The following SHISA5 variants were observed in gnomAD, a reference collection of about 807,000 sequenced individuals.
SHISA5 encodes shisa family member 5, also known as protein shisa-5.
SHISA5 carries 21 observed loss-of-function variants against 27.5 expected under a neutral mutation model. The ratio of observed to expected loss-of-function variants is 0.76; its 90% CI spans 0.54 to 1.10. The LOEUF is 1.10. Among genes scored for constraint, SHISA5 ranks in the 50% least tolerant of loss-of-function variants. The probability of loss-of-function intolerance (pLI) is 0.00; values close to 1 mark genes in which losing one functional copy is unlikely to be tolerated. For missense variants in SHISA5, 314 were observed against 336.3 expected, an observed-to-expected ratio of 0.93 and a Z score of 0.52; for synonymous variants, 137 against 142.2, an observed-to-expected ratio of 0.96 and a Z score of 0.26.
rs779408095 is a variant in SHISA5, at chr3:48,504,008, C to T, written c.76+11G>A. 1 of 1,465,194 alleles carries T rather than the reference C, an allele frequency of 6.8e-7. No individual in the cohort carries two copies. The highest frequency in any genetic ancestry group is 1.5e-5 in the African/African-American group (1 of 68,322). 90.8% of individuals were successfully genotyped at this position (1,465,194 alleles called of 1,614,324 possible). On this transcript the variant is annotated intron_variant, in intron 1 of 5. Coordinates refer to ENST00000296444, the MANE Select transcript of SHISA5 (RefSeq NM_016479.6). The surrounding 1 kb of genome is among the most constrained non-coding windows in gnomAD (Gnocchi z 4.0). ...CCAGGGCAGGACGGGCCGCCCCCAC[C>T]CCCGGCTCACCACCCGGAGGCGGCG...
intron 2 of SHISA5, among the ~76,000 whole-genome samples, chr3:48,484,254 T>C (rs2107337150): frequency 6.6e-6 from 1 of 152,332 alleles, no homozygotes; most frequent in Non-Finnish European, 1.5e-5. Flanking sequence ...AATTATACCC[T>C]AATACACTTG....
rs58568695 is a variant in SHISA5 at position 48,489,621 on chromosome 3, C to CTTTTT, written c.234-10369_234-10365dup. On this transcript the variant is annotated intron_variant, in intron 2 of 5. Transcript: ENST00000296444. ...ACAGGCTTGAGCCACTGCGCCTGGC[C>CTTTTT]TTTTTTTTTTTTTTTTTTTTTTTTG... Among the ~76,000 whole-genome samples, 189 of 80,876 alleles carry CTTTTT rather than the reference C, an allele frequency of 2.3e-3. 15 individuals are homozygous for CTTTTT. Among genetic ancestry groups the CTTTTT allele is most frequent in the African/African-American group, 7.1e-3 (121 of 17,064 alleles). The allele number at this position is 80,876 out of a possible 152,430, so 53.1% of individuals were successfully genotyped here.
chr3:48,468,410 G>A lies in SHISA5; in HGVS notation c.*697C>T. On this transcript the variant is annotated 3_prime_UTR_variant, in exon 6 of 6. Transcript: ENST00000296444. ...GCATGTGGCCCTCCAGCTGGTCCCA[G>A]GGGAGATGCGGGGACAGGGGACAGT... is the stretch of plus-strand genomic sequence containing the variant. 2 of 1,114,882 alleles carry A rather than the reference G, an allele frequency of 1.8e-6. No individual in the cohort carries two copies. The highest frequency in any genetic ancestry group is 4.4e-5 in the South Asian group (2 of 45,004). The allele number at this position is 1,114,882 out of a possible 1,614,324, so 69.1% of individuals were successfully genotyped here.
At chr3:48,503,620 C>T (rs2041818040) in intron 1 of SHISA5, 1 of 820,538 alleles carries the variant, frequency 1.2e-6, no homozygotes, top group Non-Finnish European at 1.5e-6. Flanking sequence ...GCGGTGGGGG[C>T]TCCCAGACAT....
Position 48,468,922 on chromosome 3 carries a change from G to A in SHISA5, c.*185C>T. On this transcript the variant is annotated 3_prime_UTR_variant, in exon 6 of 6. Transcript: ENST00000296444. ...GTCCCAGCCCACTCTGGCAAGGATT[G>A]TTCCCCACCTTGTCAGCATCAGAGG... is the stretch of plus-strand genomic sequence containing the variant. The A allele has an allele frequency of 6.5e-7, 1 of 1,546,114 alleles. No individual in the cohort carries two copies. Among genetic ancestry groups the A allele is most frequent in the Non-Finnish European group, 8.7e-7 (1 of 1,152,538 alleles).
At chr3:48,502,695 T>C (rs752174553) in intron 1 of SHISA5, among the ~76,000 whole-genome samples, 1 of 152,226 alleles carries the variant, frequency 6.6e-6, no homozygotes, top group Non-Finnish European at 1.5e-5. Flanking sequence ...AGTACCGGAT[T>C]CTGCCAGGGC....
intron 3 of SHISA5, among the ~76,000 whole-genome samples, chr3:48,472,700 C>A (rs1012350249): frequency 6.6e-6 from 1 of 152,106 alleles, no homozygotes; most frequent in Non-Finnish European, 1.5e-5. Flanking sequence ...CCTACCCCGC[C>A]CTGGGACTGC....
intron 3 of SHISA5, among the ~76,000 whole-genome samples, chr3:48,478,927 C>T (rs928649348): frequency 1.3e-5 from 2 of 152,080 alleles, no homozygotes; most frequent in African/African-American, 4.8e-5. Flanking sequence ...GGTCAATGTA[C>T]CCCGGACCCC....
intron 2 of SHISA5, among the ~76,000 whole-genome samples, chr3:48,491,079 C>T (rs1314953213): frequency 4.7e-5 from 7 of 150,068 alleles, no homozygotes; most frequent in Admixed American, 1.3e-4. Flanking sequence ...CCCAACCCCC[C>T]GCCCTTTGAG....
In SHISA5 at chr3:48,501,017, C is replaced by T. The variant is rs1560136067; in HGVS notation, c.233+120G>A. The T allele has an allele frequency of 5.1e-6, 6 of 1,181,496 alleles. No individual in the cohort carries two copies. The Admixed American group carries it at 7.4e-5, about 15-fold the overall frequency. The allele number at this position is 1,181,496 out of a possible 1,614,324, so 73.2% of individuals were successfully genotyped here. The stretch of plus-strand genomic sequence containing the variant: ...GATCCCTAAACCCTCTGCTCCAATG[C>T]TCTGGCCACCATCTTGAGAGGGCTG... On this transcript the variant is annotated intron_variant, in intron 2 of 5. Coordinates refer to ENST00000296444, the MANE Select transcript of SHISA5 (RefSeq NM_016479.6).
intron 2 of SHISA5, among the ~76,000 whole-genome samples, chr3:48,496,790 C>A (rs1282257881): frequency 3.5e-5 from 5 of 142,316 alleles, no homozygotes; most frequent in African/African-American, 1.0e-4. Context: ...TAAAAAAAAA[C>A]AAAGGAAAAA....
In SHISA5 at chr3:48,468,726, G is replaced by C. The variant is rs1444094065; in HGVS notation, c.*381C>G. ...AAAGCTGCGCCACCCTGGTGTGACA[G>C]GCCCTACTTGGTCACCCTAGGGTAA... is the stretch of plus-strand genomic sequence containing the variant. On this transcript the variant is annotated 3_prime_UTR_variant, in exon 6 of 6. Coordinates refer to ENST00000296444, the MANE Select transcript of SHISA5 (RefSeq NM_016479.6). 7.6e-7 allele frequency: 1 copy of C among 1,319,630 alleles called. No individual in the cohort carries two copies. Among genetic ancestry groups the C allele is most frequent in the African/African-American group, 1.5e-5 (1 of 67,088 alleles). 81.7% of individuals were successfully genotyped at this position (1,319,630 alleles called of 1,614,324 possible).
chr3:48,480,419 T>C (rs1164146476), intron 2 of SHISA5, among the ~76,000 whole-genome samples: 1 of 152,132 alleles, frequency 6.6e-6, no homozygotes, highest in Non-Finnish European at 1.5e-5. Context: ...CTAACAAGTA[T>C]GTAGAACTAA....
intron 2 of SHISA5, among the ~76,000 whole-genome samples, chr3:48,487,769 G>T (rs1395926037): frequency 6.6e-6 from 1 of 152,168 alleles, no homozygotes; most frequent in Non-Finnish European, 1.5e-5. Context: ...GGTGGCACAT[G>T]CCTGTAACCC....
In SHISA5 at chr3:48,490,324, C is replaced by T. The variant is rs543636900; in HGVS notation, c.233+10813G>A. Reference sequence around the variant, plus strand: ...CTGACCTCAGGTGATCCGCCCACCTCGGCTTCCCGAAGTGGTAGGATTACA... The same window carrying T: ...CTGACCTCAGGTGATCCGCCCACCTTGGCTTCCCGAAGTGGTAGGATTACA... On this transcript the variant is annotated intron_variant, in intron 2 of 5. Coordinates refer to ENST00000296444, the MANE Select transcript of SHISA5 (RefSeq NM_016479.6). 2.8e-3 allele frequency among the ~76,000 whole-genome samples: 420 copies of T among 152,370 alleles called. 2 individuals are homozygous for T. Among genetic ancestry groups the T allele is most frequent in the African/African-American group, 9.8e-3 (408 of 41,594 alleles).
Position 48,468,318 on chromosome 3 carries a change from C to T in SHISA5, c.*789G>A. On this transcript the variant is annotated 3_prime_UTR_variant, in exon 6 of 6. Transcript: ENST00000296444. ...AGTGTGCTGGTGGACAGGAGCCCTGCTCACCTGTGGGAAGGGCAGGGCCAG... is the reference window on the plus strand; with the variant it reads ...AGTGTGCTGGTGGACAGGAGCCCTGTTCACCTGTGGGAAGGGCAGGGCCAG... The T allele has an allele frequency of 9.7e-7, 1 of 1,035,000 alleles. No homozygotes were observed. The highest frequency in any genetic ancestry group is 1.2e-6 in the Non-Finnish European group (1 of 859,534). The allele number at this position is 1,035,000 out of a possible 1,614,324, so 64.1% of individuals were successfully genotyped here.
rs11914742 is a variant in SHISA5 at position 48,468,396 on chromosome 3, T to G, written c.*711A>C. The G allele has an allele frequency of 3.1e-3, 3,387 of 1,097,008 alleles. 73 individuals carry two copies. In the African/African-American group the frequency reaches 0.048, roughly 16 times the overall value. 68.0% of individuals were successfully genotyped at this position (1,097,008 alleles called of 1,614,324 possible). On this transcript the variant is annotated 3_prime_UTR_variant, in exon 6 of 6. Transcript: ENST00000296444. ...GCTAGGCTGTGTGTGCATGTGGCCC[T>G]CCAGCTGGTCCCAGGGGAGATGCGG...
chr3:48,501,733 C>T (rs2041759958), intron 1 of SHISA5, among the ~76,000 whole-genome samples: 3 of 152,192 alleles, frequency 2.0e-5, no homozygotes, highest in African/African-American at 7.2e-5. Flanking sequence ...GTTCCTATCT[C>T]CTGCCTTTCA....
intron 2 of SHISA5, among the ~76,000 whole-genome samples, chr3:48,493,065 G>A (rs940185067): frequency 6.8e-6 from 1 of 147,412 alleles, no homozygotes; most frequent in Non-Finnish European, 1.5e-5. Flanking sequence ...GATATGCTGG[G>A]CCATAAAATG....
Sources: allele counts gnomAD v4.1 joint callset (sites outside exome capture counted in the v4.1 genomes callset), GRCh38; gene constraint gnomAD v4.1.1; non-coding constraint Gnocchi (gnomAD v3.1); transcripts MANE v1.5; gene names NCBI Gene and HGNC (gene_info 2026-07-23, HGNC 2026-07-21).